Variants in LDLRAD4 observed in about 807,000 individuals in gnomAD.
The protein encoded by LDLRAD4 is low-density lipoprotein receptor class A domain-containing protein 4.
In LDLRAD4, 5 loss-of-function variants were observed where a neutral mutation model predicts 17.0. That is an observed-to-expected ratio of 0.29 (90% CI 0.15 to 0.62). The LOEUF is 0.62. Ranked by LOEUF, LDLRAD4 falls within the 20% of genes least tolerant of loss-of-function variation. The pLI, the probability that LDLRAD4 is intolerant of heterozygous loss-of-function variation, is 0.84. For missense variants in LDLRAD4, 340 were observed against 424.7 expected (o/e 0.80, Z 1.75); for synonymous variants, 168 against 171.8 (o/e 0.98, Z 0.17).
At chr18:13,535,774 T>G (rs1002188205) in intron 3 of LDLRAD4, among the ~76,000 whole-genome samples, 3 of 152,208 alleles carry the variant, frequency 2.0e-5, no homozygotes, top group Non-Finnish European at 4.4e-5. Context: ...CTTCTATAAG[T>G]TTAACAGTTT....
chr18:13,485,250 C>T (rs2093192192), intron 3 of LDLRAD4, among the ~76,000 whole-genome samples: 1 of 152,198 alleles, frequency 6.6e-6, no homozygotes, highest in African/African-American at 2.4e-5. Flanking sequence ...ATAACTATTA[C>T]TGCTTGGAGC....
rs79978850 is a variant in LDLRAD4, at chr18:13,368,062, G to C, written c.-382-19279G>C. On this transcript the variant is annotated intron_variant, in intron 1 of 5. Coordinates refer to ENST00000359446, the Ensembl canonical transcript of LDLRAD4. ...AAATAAGGAACAGATGTGGGAGGAA[G>C]GGTCTGTTTTTGGCTTCTTAGACCT... Among the ~76,000 whole-genome samples the C allele has an allele frequency of 7.3e-3, 1,113 of 152,228 alleles. 12 individuals carry two copies. The highest frequency in any genetic ancestry group is 0.015 in the South Asian group (71 of 4,816).
At chr18:13,551,237 A>C (rs1305502008) in intron 3 of LDLRAD4, among the ~76,000 whole-genome samples, 3 of 152,164 alleles carry the variant, frequency 2.0e-5, no homozygotes, top group Admixed American at 2.0e-4. Context: ...CCTTTCCGAC[A>C]GAGCAGCAGC....
intron 3 of LDLRAD4, among the ~76,000 whole-genome samples, chr18:13,588,514 G>A (rs1216473975): frequency 6.6e-6 from 1 of 151,878 alleles, no homozygotes; most frequent in Non-Finnish European, 1.5e-5. Context: ...TTTAAAATAT[G>A]TGATCAAAAC....
At chr18:13,651,682 T>C (rs1601925807) in exon 6 of LDLRAD4, 1 of 152,240 alleles carries the variant, frequency 6.6e-6, no homozygotes, top group East Asian at 1.9e-4. Context: ...AAACCACGGT[T>C]GAATCTTGGG....
At chr18:13,304,864 G>T (rs1368078536) in intron 1 of LDLRAD4, among the ~76,000 whole-genome samples, 1 of 152,212 alleles carries the variant, frequency 6.6e-6, no homozygotes, top group Non-Finnish European at 1.5e-5. Flanking sequence ...CACAGCAGAC[G>T]GAAGGAGTGT....
exon 6 of LDLRAD4, chr18:13,650,149 T>C: frequency 2.5e-6 from 1 of 398,934 alleles, no homozygotes; most frequent in Admixed American, 4.4e-5. Context: ...GTGGTCTACA[T>C]TTTTTAGGAA....
chr18:13,488,313 C>G (rs2093280505), intron 3 of LDLRAD4: 2 of 152,432 alleles, frequency 1.3e-5, no homozygotes, highest in South Asian at 2.1e-4. Flanking sequence ...GTGGGCCCCT[C>G]TGGGCCCTCG....
At chr18:13,370,960 C>T (rs113252182) in intron 1 of LDLRAD4, among the ~76,000 whole-genome samples, 1,949 of 152,218 alleles carry the variant, frequency 0.013, 22 homozygotes, top group African/African-American at 0.036. Flanking sequence ...CTCCCTGCTT[C>T]GGCCTCCCAA....
intron 3 of LDLRAD4, among the ~76,000 whole-genome samples, chr18:13,540,699 A>G (rs2094267898): frequency 6.6e-6 from 1 of 152,248 alleles, no homozygotes; most frequent in Admixed American, 6.5e-5. Flanking sequence ...TCCGATTATA[A>G]TGAGCAGTAG....
At chr18:13,611,196 C>T (rs1442849208) in intron 3 of LDLRAD4, 1 of 154,512 alleles carries the variant, frequency 6.5e-6, no homozygotes, top group Non-Finnish European at 1.5e-5. Flanking sequence ...GCTAACGTCA[C>T]TGTCCTGGCT....
chr18:13,594,665 C>CAAAAAAAAAAAAAA lies in LDLRAD4; in HGVS notation c.182-26441_182-26428dup, dbSNP rs56035558. ...TGGGTGACAGAGCAAGATTCCATCT[C>CAAAAAAAAAAAAAA]AAAAAAAAAAAAAAAAAAAAAAAAG... On this transcript the variant is annotated intron_variant, in intron 3 of 5. Coordinates refer to ENST00000359446, the Ensembl canonical transcript of LDLRAD4. Among the ~76,000 whole-genome samples, 189 of 29,520 alleles carry CAAAAAAAAAAAAAA rather than the reference C, an allele frequency of 6.4e-3. 4 individuals carry two copies. Among genetic ancestry groups the CAAAAAAAAAAAAAA allele is most frequent in the Non-Finnish European group, 1.0e-2 (126 of 12,642 alleles). 19.4% of individuals were successfully genotyped at this position (29,520 alleles called of 152,430 possible).
At chr18:13,629,896 G>A (rs1033938354) in intron 4 of LDLRAD4, among the ~76,000 whole-genome samples, 1 of 152,130 alleles carries the variant, frequency 6.6e-6, no homozygotes, top group African/African-American at 2.4e-5. Context: ...GCAGCTCTGT[G>A]ACCTTGGGTG....
chr18:13,572,368 C>T (rs2094705414), intron 3 of LDLRAD4, among the ~76,000 whole-genome samples: 1 of 152,224 alleles, frequency 6.6e-6, no homozygotes, highest in Non-Finnish European at 1.5e-5. Context: ...CCTCAGCTTC[C>T]CTGCTCCAGG....
At chr18:13,339,745 G>A (rs2082276665) in intron 1 of LDLRAD4, among the ~76,000 whole-genome samples, 1 of 152,016 alleles carries the variant, frequency 6.6e-6, no homozygotes, top group Non-Finnish European at 1.5e-5. Context: ...CAACCTAGAG[G>A]TAACCATTGT....
At chr18:13,309,189 G>A (rs2047085761) in intron 1 of LDLRAD4, among the ~76,000 whole-genome samples, 2 of 152,182 alleles carry the variant, frequency 1.3e-5, no homozygotes, top group South Asian at 2.1e-4. Flanking sequence ...GGCCCCACTT[G>A]CCCTGCACAC....
chr18:13,325,787 C>G (rs2081498567), intron 1 of LDLRAD4, among the ~76,000 whole-genome samples: 1 of 151,184 alleles, frequency 6.6e-6, no homozygotes, highest in Admixed American at 6.6e-5. Flanking sequence ...GAGTCTTGCT[C>G]TGTCGCCCAG....
chr18:13,257,001 A>G (rs543541461), intron 1 of LDLRAD4, among the ~76,000 whole-genome samples: 2 of 152,362 alleles, frequency 1.3e-5, no homozygotes, highest in African/African-American at 4.8e-5. Flanking sequence ...AAAATTGCCT[A>G]TGTGGGAACT....
At chr18:13,496,389 T>G (rs2093470267) in intron 3 of LDLRAD4, among the ~76,000 whole-genome samples, 1 of 152,164 alleles carries the variant, frequency 6.6e-6, no homozygotes, top group Admixed American at 6.5e-5. Flanking sequence ...TATTAAAAGA[T>G]TTTCAGGGGA....
Sources: gnomAD v4.1 joint callset for allele counts (sites outside exome capture counted in the v4.1 genomes callset) on GRCh38, gnomAD v4.1.1 for gene constraint, MANE v1.5 for transcripts, NCBI Gene and HGNC (gene_info 2026-07-23, HGNC 2026-07-21) for gene names.